The following MALRD1 variants were observed in gnomAD, a reference collection of about 807,000 sequenced individuals.
MALRD1 encodes the protein MAM and LDL receptor class A domain containing 1.
A neutral mutation model predicts 242.1 loss-of-function variants in MALRD1; 247 were observed. That is an observed-to-expected ratio of 1.02 (90% CI 0.92 to 1.13). MALRD1 has a LOEUF of 1.13. Ranked by LOEUF, MALRD1 falls within the 50% of genes most tolerant of loss-of-function variation. The probability of loss-of-function intolerance (pLI) is 0.00; values close to 1 mark genes in which losing one functional copy is unlikely to be tolerated. For synonymous variants in MALRD1, 995 were observed against 866.6 expected, an observed-to-expected ratio of 1.15 and a Z score of -2.60; for missense variants, 2,989 against 2,533.1, an observed-to-expected ratio of 1.18 and a Z score of -3.86.
chr10:19,250,151 T>C (rs2131780635), intron 18 of MALRD1, among the ~76,000 whole-genome samples: 1 of 152,136 alleles, frequency 6.6e-6, no homozygotes. Context: ...AAGAATTTAA[T>C]TTTGGCATGT....
intron 31 of MALRD1, among the ~76,000 whole-genome samples, chr10:19,516,051 AT>A (rs1278513698): frequency 6.6e-6 from 1 of 152,170 alleles, no homozygotes; most frequent in African/African-American, 2.4e-5. Flanking sequence ...TTGCTGACAA[AT>A]TTTTTAATAT....
chr10:19,297,501 C>T (rs1841761520), intron 21 of MALRD1, among the ~76,000 whole-genome samples: 1 of 151,748 alleles, frequency 6.6e-6, no homozygotes, highest in South Asian at 2.1e-4. Context: ...TATAGATCAT[C>T]ATGGCTATTT....
chr10:19,438,205 G>T (rs548380693), intron 28 of MALRD1, among the ~76,000 whole-genome samples: 1 of 151,850 alleles, frequency 6.6e-6, no homozygotes, highest in East Asian at 1.9e-4. Flanking sequence ...TTATATAAGT[G>T]GAATCATGGA....
intron 36 of MALRD1, among the ~76,000 whole-genome samples, chr10:19,689,993 G>A (rs1026295164): frequency 6.6e-6 from 1 of 151,898 alleles, no homozygotes; most frequent in Admixed American, 6.6e-5. Flanking sequence ...ATTTATAGAA[G>A]GTAAATTATC....
At chr10:19,064,279 A>G (rs950883421) in intron 1 of MALRD1, among the ~76,000 whole-genome samples, 3 of 152,200 alleles carry the variant, frequency 2.0e-5, no homozygotes, top group African/African-American at 7.2e-5. Flanking sequence ...AATTCAAACT[A>G]TTTAGTGATG....
At chr10:19,533,799 A>C (rs548497596) in intron 32 of MALRD1, among the ~76,000 whole-genome samples, 9 of 152,336 alleles carry the variant, frequency 5.9e-5, no homozygotes, top group African/African-American at 1.7e-4. Context: ...ATTACAATTC[A>C]ACATGAGATT....
At chr10:19,669,538 C>G (rs1841819740) in intron 36 of MALRD1, among the ~76,000 whole-genome samples, 1 of 152,036 alleles carries the variant, frequency 6.6e-6, no homozygotes. Context: ...TGTAAGTTTC[C>G]CTTTCCTAAA....
intron 36 of MALRD1, among the ~76,000 whole-genome samples, chr10:19,645,396 A>T (rs972466776): frequency 6.6e-6 from 1 of 152,224 alleles, no homozygotes; most frequent in Non-Finnish European, 1.5e-5. Flanking sequence ...CCAAAGGATT[A>T]TAAATCATGC....
intron 4 of MALRD1, among the ~76,000 whole-genome samples, chr10:19,089,370 CT>C (rs1455660896): frequency 7.8e-5 from 4 of 51,182 alleles, no homozygotes; most frequent in African/African-American, 1.9e-4. Context: ...TGTTTTTTGG[CT>C]GCATAAATGT....
At chr10:19,623,933 T>C (rs7914250) in intron 36 of MALRD1, among the ~76,000 whole-genome samples, 8,639 of 152,096 alleles carry the variant, frequency 0.057, 715 homozygotes, top group African/African-American at 0.19. Flanking sequence ...AATGCATAAA[T>C]ATATGAAAAA....
Position 19,701,010 on chromosome 10 carries a change from A to G in MALRD1, c.6314+8456A>G, listed in dbSNP as rs140524073. 2.9e-3 allele frequency among the ~76,000 whole-genome samples: 441 copies of G among 152,186 alleles called. 9 individuals carry two copies. In the East Asian group the frequency reaches 0.052, roughly 18 times the overall value. ...AAAAAAATACAAAAATTAGCCAGGCATGGTGGTACGTGCCTGTAGTCCCAG... is the reference window on the plus strand; with the variant it reads ...AAAAAAATACAAAAATTAGCCAGGCGTGGTGGTACGTGCCTGTAGTCCCAG... On this transcript the variant is annotated intron_variant, in intron 38 of 39. Coordinates refer to ENST00000454679, the MANE Select transcript of MALRD1 (RefSeq NM_001142308.3).
intron 26 of MALRD1, among the ~76,000 whole-genome samples, chr10:19,373,153 A>T (rs1588981479): frequency 7.1e-6 from 1 of 140,646 alleles, no homozygotes; most frequent in Non-Finnish European, 1.5e-5. Context: ...AGTTGCTCTC[A>T]TTTTTTTTTC....
intron 24 of MALRD1, among the ~76,000 whole-genome samples, chr10:19,347,113 G>A (rs955963233): frequency 6.6e-6 from 1 of 152,112 alleles, no homozygotes; most frequent in Non-Finnish European, 1.5e-5. Flanking sequence ...CTTGCCGCAC[G>A]ATAAAAAGAT....
At chr10:19,318,687 T>A (rs1842802542) in intron 21 of MALRD1, among the ~76,000 whole-genome samples, 1 of 151,962 alleles carries the variant, frequency 6.6e-6, no homozygotes, top group African/African-American at 2.4e-5. Flanking sequence ...TACGTTTTAT[T>A]TTTTCCCCAG....
intron 36 of MALRD1, among the ~76,000 whole-genome samples, chr10:19,628,482 A>G (rs750183431): frequency 2.0e-5 from 3 of 152,170 alleles, no homozygotes; most frequent in Non-Finnish European, 4.4e-5. Context: ...AAAAGTATCC[A>G]TATTGTTAGG....
intron 32 of MALRD1, among the ~76,000 whole-genome samples, chr10:19,538,268 A>G (rs986275551): frequency 4.6e-5 from 7 of 152,230 alleles, no homozygotes; most frequent in African/African-American, 1.7e-4. Context: ...TTTTCATCAT[A>G]AATGACTGAT....
chr10:19,494,978 CT>C (rs199627839), intron 30 of MALRD1, among the ~76,000 whole-genome samples: 308 of 143,608 alleles, frequency 2.1e-3, no homozygotes, highest in East Asian at 2.8e-3. Flanking sequence ...ATAATCATCA[CT>C]TTTTTTTTTT....
chr10:19,723,041 C>T (rs907945114), intron 38 of MALRD1, among the ~76,000 whole-genome samples: 1 of 152,014 alleles, frequency 6.6e-6, no homozygotes, highest in African/African-American at 2.4e-5. Flanking sequence ...ATTCTCTTTC[C>T]ACCATCTTAA....
At chr10:19,049,784 GA>G (rs1834430688) in intron 1 of MALRD1, among the ~76,000 whole-genome samples, 1 of 152,196 alleles carries the variant, frequency 6.6e-6, no homozygotes, top group Non-Finnish European at 1.5e-5. Flanking sequence ...TCACAGGTGG[GA>G]AAATGCCCCA....
Sources: gnomAD v4.1 joint callset for allele counts (sites outside exome capture counted in the v4.1 genomes callset) on GRCh38, gnomAD v4.1.1 for gene constraint, MANE v1.5 for transcripts, NCBI Gene and HGNC (gene_info 2026-07-23, HGNC 2026-07-21) for gene names.